Variants in NRXN1 observed in about 807,000 individuals in gnomAD.
NRXN1 encodes neurexin-1.
NRXN1 carries 39 observed loss-of-function variants against 150.9 expected under a neutral mutation model. That is an observed-to-expected ratio of 0.26 (90% confidence interval 0.20 to 0.34). The LOEUF is 0.34. Ranked by LOEUF, NRXN1 falls within the 10% of genes least tolerant of loss-of-function variation. The probability of loss-of-function intolerance (pLI) is 1.00; values close to 1 mark genes in which losing one functional copy is unlikely to be tolerated. For synonymous variants in NRXN1, 924 were observed against 757.0 expected (o/e 1.22, Z -3.62); for missense variants, 1,815 against 1,949.9 (o/e 0.93, Z 1.30).
intron 5 of NRXN1, among the ~76,000 whole-genome samples, chr2:50,683,219 T>A: frequency 6.6e-6 from 1 of 152,070 alleles, no homozygotes. Context: ...CTATTTGGCA[T>A]GACGAACCAC....
intron 17 of NRXN1, among the ~76,000 whole-genome samples, chr2:50,329,778 A>G (rs983434799): frequency 2.7e-5 from 4 of 147,922 alleles, no homozygotes; most frequent in East Asian, 4.0e-4. Context: ...GGTTCGAATG[A>G]TTCTCCAGCC....
chr2:50,063,462 C>T (rs961259311), intron 19 of NRXN1, among the ~76,000 whole-genome samples: 28 of 151,222 alleles, frequency 1.9e-4, no homozygotes, highest in African/African-American at 6.8e-4. Context: ...TTTAGCTAAG[C>T]CAATCCACTT....
At chr2:49,990,880 A>G (rs552492603) in intron 21 of NRXN1, among the ~76,000 whole-genome samples, 1 of 152,274 alleles carries the variant, frequency 6.6e-6, no homozygotes, top group African/African-American at 2.4e-5. Context: ...TTTGGTTCCT[A>G]ATTTCTTCTG....
chr2:50,943,019 A>T (rs1663292210), intron 2 of NRXN1, among the ~76,000 whole-genome samples: 1 of 152,060 alleles, frequency 6.6e-6, no homozygotes, highest in Non-Finnish European at 1.5e-5. Flanking sequence ...TGGAGCAGAC[A>T]TCCCCCTTGC....
chr2:50,876,069 C>G lies in NRXN1; in HGVS notation c.832+45800G>C, dbSNP rs535296222. Reference sequence around the variant, plus strand: ...GGGTGCAGGAGTGGAACACACCTAGCAAGGCTAACTACTCTTTTTCCAGCC... The same window carrying G: ...GGGTGCAGGAGTGGAACACACCTAGGAAGGCTAACTACTCTTTTTCCAGCC... On this transcript the variant is annotated intron_variant, in intron 5 of 22. Coordinates refer to ENST00000401669, the MANE Select transcript of NRXN1 (RefSeq NM_001330078.2). Among the ~76,000 whole-genome samples the G allele has an allele frequency of 1.1e-4, 16 of 151,882 alleles. No homozygotes were observed. The East Asian group carries it at 3.1e-3, about 30-fold the overall frequency.
intron 5 of NRXN1, among the ~76,000 whole-genome samples, chr2:50,721,566 A>G (rs1696660655): frequency 6.6e-6 from 1 of 152,172 alleles, no homozygotes; most frequent in Non-Finnish European, 1.5e-5. Context: ...GACGAGGACT[A>G]CATGAAGCAT....
intron 17 of NRXN1, among the ~76,000 whole-genome samples, chr2:50,278,103 C>G: frequency 7.9e-6 from 1 of 126,380 alleles, no homozygotes; most frequent in Non-Finnish European, 1.6e-5. Flanking sequence ...AAGTCTCACT[C>G]TGTTACCCAG....
At chr2:50,275,544 T>C (rs1248573223) in intron 17 of NRXN1, among the ~76,000 whole-genome samples, 1 of 152,142 alleles carries the variant, frequency 6.6e-6, no homozygotes, top group Non-Finnish European at 1.5e-5. Context: ...TCACTTACTA[T>C]AGTCCCAGAA....
intron 6 of NRXN1, among the ~76,000 whole-genome samples, chr2:50,622,677 A>T (rs767203786): frequency 3.9e-5 from 6 of 152,140 alleles, no homozygotes; most frequent in African/African-American, 9.7e-5. Flanking sequence ...AAGTTTTTTT[A>T]AAAAAATACA....
intron 21 of NRXN1, among the ~76,000 whole-genome samples, chr2:49,977,872 T>C (rs1200119418): frequency 6.6e-6 from 1 of 152,174 alleles, no homozygotes; most frequent in African/African-American, 2.4e-5. Context: ...TTTAAAGGTA[T>C]GGACAGAAAA....
At position 49,928,608 on chromosome 2, in the gene NRXN1, T is replaced by C. The variant is rs577242966; in HGVS notation, c.4217-6357A>G. ...GTTTGTGAATTGAGATTAGCACACT[T>C]TTTTCCCCCATTTGAAAAAAAACAA... is the stretch of plus-strand genomic sequence containing the variant. On this transcript the variant is annotated intron_variant, in intron 22 of 22. Transcript: ENST00000401669. Among the ~76,000 whole-genome samples the C allele has an allele frequency of 1.4e-4, 22 of 152,236 alleles. No individual in the cohort carries two copies. The Middle Eastern group carries it at 0.017, about 118-fold the overall frequency.
chr2:50,882,644 A>AT (rs1679626836), intron 5 of NRXN1, among the ~76,000 whole-genome samples: 1 of 151,858 alleles, frequency 6.6e-6, no homozygotes, highest in Admixed American at 6.6e-5. Context: ...TGCCCACAGT[A>AT]TTTTTATTGT....
intron 17 of NRXN1, among the ~76,000 whole-genome samples, chr2:50,344,242 T>C (rs2077761722): frequency 6.6e-6 from 1 of 152,170 alleles, no homozygotes; most frequent in Admixed American, 6.5e-5. Flanking sequence ...CTGAGAGGCT[T>C]ATTTTTTATC....
chr2:49,996,071 G>A (rs1020746444), intron 21 of NRXN1, among the ~76,000 whole-genome samples: 4 of 152,046 alleles, frequency 2.6e-5, no homozygotes, highest in African/African-American at 9.7e-5. Context: ...TGATAAATGA[G>A]ACACAGAAAA....
chr2:50,864,866 G>T (rs1676652825), intron 5 of NRXN1, among the ~76,000 whole-genome samples: 1 of 151,998 alleles, frequency 6.6e-6, no homozygotes. Context: ...AACACAAATT[G>T]CTGTGCTACA....
chr2:50,127,304 G>A (rs1268237023), intron 18 of NRXN1, among the ~76,000 whole-genome samples: 12 of 152,054 alleles, frequency 7.9e-5, no homozygotes, highest in Admixed American at 2.6e-4. Flanking sequence ...AAAACACTGC[G>A]CTATTTTTTA....
chr2:50,614,275 A>G (rs942916304), intron 8 of NRXN1, among the ~76,000 whole-genome samples: 2 of 152,148 alleles, frequency 1.3e-5, no homozygotes, highest in Non-Finnish European at 2.9e-5. Flanking sequence ...CAACTAAAGT[A>G]GCCCTCCCTC....
chr2:50,024,647 C>G (rs1278472599), intron 21 of NRXN1, among the ~76,000 whole-genome samples: 1 of 151,596 alleles, frequency 6.6e-6, no homozygotes, highest in Non-Finnish European at 1.5e-5. Flanking sequence ...CGAAGTCTGG[C>G]TCTTTTGCCC....
chr2:50,517,560 G>A (rs1281078000), intron 12 of NRXN1, among the ~76,000 whole-genome samples: 1 of 152,090 alleles, frequency 6.6e-6, no homozygotes, highest in Non-Finnish European at 1.5e-5. Flanking sequence ...TATTTAGCAG[G>A]ATGGAATTTG....
Sources: allele counts gnomAD v4.1 joint callset (sites outside exome capture counted in the v4.1 genomes callset), GRCh38; gene constraint gnomAD v4.1.1; transcripts MANE v1.5; gene names NCBI Gene and HGNC (gene_info 2026-07-23, HGNC 2026-07-21).